GLIS3: variants seen among roughly 807,000 people sequenced by gnomAD.
GLIS3 encodes the protein zinc finger protein GLIS3.
In GLIS3, 53 loss-of-function variants were observed where a neutral mutation model predicts 78.6. The observed-to-expected ratio is 0.67, with a 90% CI of 0.54 to 0.85. GLIS3 has a LOEUF of 0.85. Ranked by LOEUF, GLIS3 falls within the 40% of genes least tolerant of loss-of-function variation. The probability of loss-of-function intolerance (pLI) is 0.00; values close to 1 mark genes in which losing one functional copy is unlikely to be tolerated. For synonymous variants in GLIS3, 684 were observed against 509.9 expected (o/e 1.34, Z -4.60); for missense variants, 1,703 against 1,231.1 (o/e 1.38, Z -5.74).
At chr9:3,830,651 C>T (rs1325380612) in intron 9 of GLIS3, among the ~76,000 whole-genome samples, 1 of 152,172 alleles carries the variant, frequency 6.6e-6, no homozygotes, top group African/African-American at 2.4e-5. Context: ...ATTTCTTCCA[C>T]AAACACTAAA....
chr9:4,463,417 C>T, the GLIS3 span, among the ~76,000 whole-genome samples: 2 of 152,178 alleles, frequency 1.3e-5, no homozygotes, highest in Admixed American at 6.5e-5. Context: ...TTCATGCTCT[C>T]TCACCCAACC....
intron 2 of GLIS3, among the ~76,000 whole-genome samples, chr9:4,155,628 C>T (rs12340614): frequency 0.21 from 31,530 of 152,112 alleles, 3,932 homozygotes; most frequent in African/African-American, 0.34. Context: ...TCCTGAATTT[C>T]AGAGAGTCCG....
intron 4 of GLIS3, among the ~76,000 whole-genome samples, chr9:4,097,919 T>G (rs1830087509): frequency 6.6e-6 from 1 of 152,194 alleles, no homozygotes; most frequent in African/African-American, 2.4e-5. Flanking sequence ...ATTTTTTTTG[T>G]GGGTCATTTC....
At chr9:4,105,797 C>T (rs555033569) in intron 4 of GLIS3, among the ~76,000 whole-genome samples, 5 of 152,134 alleles carry the variant, frequency 3.3e-5, no homozygotes. Flanking sequence ...AAGCCTCATT[C>T]TATGGGCACA....
chr9:4,284,744 C>CAA (rs796997240), intron 2 of GLIS3, among the ~76,000 whole-genome samples: 1 of 124,020 alleles, frequency 8.1e-6, no homozygotes. Flanking sequence ...AATCCTGTCT[C>CAA]AAAAAAAAAA....
chr9:4,075,056 C>A (rs140732928), intron 4 of GLIS3, among the ~76,000 whole-genome samples: 1,693 of 139,108 alleles, frequency 0.012, 17 homozygotes, highest in Middle Eastern at 0.035. Context: ...AAAATTCATT[C>A]AGTGATGGAA....
intron 2 of GLIS3, among the ~76,000 whole-genome samples, chr9:4,318,735 C>T (rs1239785544): frequency 6.6e-6 from 1 of 152,108 alleles, no homozygotes; most frequent in East Asian, 1.9e-4. Context: ...AAACTTGCAG[C>T]CTCTGCAGTA....
chr9:3,905,140 A>T (rs1450126260), intron 6 of GLIS3, among the ~76,000 whole-genome samples: 9 of 109,106 alleles, frequency 8.2e-5, no homozygotes, highest in South Asian at 3.1e-4. Context: ...GCCCGGTTAA[A>T]TTTTTTTCTT....
At chr9:4,203,034 C>G (rs1395464895) in intron 2 of GLIS3, among the ~76,000 whole-genome samples, 1 of 152,166 alleles carries the variant, frequency 6.6e-6, no homozygotes, top group Admixed American at 6.5e-5. Context: ...AAGAGACAAC[C>G]TGCAGAATAG....
intron 2 of GLIS3, among the ~76,000 whole-genome samples, chr9:4,342,435 A>G (rs1412554294): frequency 2.6e-5 from 4 of 152,092 alleles, no homozygotes; most frequent in Admixed American, 2.6e-4. Flanking sequence ...TGGGTTCTCT[A>G]TTCTGTTCCA....
At chr9:4,260,085 C>T (rs1825366493) in intron 2 of GLIS3, among the ~76,000 whole-genome samples, 1 of 152,216 alleles carries the variant, frequency 6.6e-6, no homozygotes, top group Non-Finnish European at 1.5e-5. Context: ...CTGATCTACA[C>T]ACTTCAGGCC....
At chr9:4,036,809 G>C (rs1039463618) in intron 4 of GLIS3, among the ~76,000 whole-genome samples, 2 of 152,186 alleles carry the variant, frequency 1.3e-5, no homozygotes, top group Non-Finnish European at 2.9e-5. Context: ...CAGGAAAGCC[G>C]TTTGGAGGAC....
intron 2 of GLIS3, among the ~76,000 whole-genome samples, chr9:4,280,314 G>A (rs1461398188): frequency 6.6e-6 from 1 of 152,210 alleles, no homozygotes; most frequent in African/African-American, 2.4e-5. Flanking sequence ...TGAGCCACAT[G>A]CCAGCCTGGG....
chr9:3,890,436 G>A (rs1353548560), intron 7 of GLIS3, among the ~76,000 whole-genome samples: 1 of 152,064 alleles, frequency 6.6e-6, no homozygotes, highest in Non-Finnish European at 1.5e-5. Flanking sequence ...GGATAGAAGG[G>A]GTTCTATTCA....
At chr9:4,095,780 T>C (rs1318958931) in intron 4 of GLIS3, among the ~76,000 whole-genome samples, 1 of 152,224 alleles carries the variant, frequency 6.6e-6, no homozygotes, top group Admixed American at 6.5e-5. Context: ...GAGTTCTTAC[T>C]AATTGTCTGC....
At chr9:4,238,108 T>C (rs1023315788) in intron 2 of GLIS3, among the ~76,000 whole-genome samples, 2 of 152,178 alleles carry the variant, frequency 1.3e-5, no homozygotes, top group African/African-American at 4.8e-5. Flanking sequence ...AGTAAGCCTT[T>C]AGGACCACTC....
At chr9:3,908,706 GTTTTTTTTTT>G (rs34789708) in intron 6 of GLIS3, among the ~76,000 whole-genome samples, 5 of 85,554 alleles carry the variant, frequency 5.8e-5, no homozygotes, top group Non-Finnish European at 8.2e-5. Context: ...ATTTGTATTT[GTTTTTTTTTT>G]TTTTTTTTTT....
intron 2 of GLIS3, among the ~76,000 whole-genome samples, chr9:4,192,556 A>C (rs1239956711): frequency 1.3e-5 from 2 of 152,244 alleles, no homozygotes; most frequent in Non-Finnish European, 2.9e-5. Context: ...CAGCTTGGTC[A>C]GGGTTATTAG....
At chr9:3,915,432 G>C (rs1366303992) in intron 6 of GLIS3, among the ~76,000 whole-genome samples, 1 of 152,116 alleles carries the variant, frequency 6.6e-6, no homozygotes, top group African/African-American at 2.4e-5. Flanking sequence ...TAGTCTTGGT[G>C]GTTCTGACAG....
Sources: allele counts gnomAD v4.1 joint callset (sites outside exome capture counted in the v4.1 genomes callset), GRCh38; gene constraint gnomAD v4.1.1; transcripts MANE v1.5; gene names NCBI Gene and HGNC (gene_info 2026-07-23, HGNC 2026-07-21).